OSBPL9: variants seen among roughly 807,000 people sequenced by gnomAD.
OSBPL9 encodes oxysterol binding protein like 9, also known as oxysterol-binding protein-related protein 9.
OSBPL9 carries 40 observed loss-of-function variants against 106.6 expected under a neutral mutation model. The ratio of observed to expected loss-of-function variants is 0.38; its 90% confidence interval spans 0.29 to 0.49. The LOEUF (loss-of-function observed/expected upper bound fraction) is 0.49. OSBPL9 is among the 20% of genes least tolerant of loss of function. The pLI is 0.97. For missense variants in OSBPL9, 609 were observed against 887.2 expected (o/e 0.69, Z 3.98); for synonymous variants, 269 against 295.4 (o/e 0.91, Z 0.92).
intron 4 of OSBPL9, among the ~76,000 whole-genome samples, chr1:51,733,320 T>TA (rs1178565904): frequency 4.6e-5 from 7 of 152,186 alleles, no homozygotes; most frequent in South Asian, 2.1e-4. Flanking sequence ...GTGATCAAAA[T>TA]ATGTGACGAT....
intron 1 of OSBPL9, among the ~76,000 whole-genome samples, chr1:51,588,649 TC>T (rs776118189): frequency 1.3e-5 from 2 of 152,138 alleles, no homozygotes; most frequent in East Asian, 3.9e-4. Flanking sequence ...AAATCCTGTC[TC>T]AAAAACAAAA....
chr1:51,651,330 C>T (rs749836387), intron 1 of OSBPL9, among the ~76,000 whole-genome samples: 5 of 152,026 alleles, frequency 3.3e-5, no homozygotes, highest in African/African-American at 9.7e-5. Context: ...CAGCTGGGTG[C>T]GGTGACTCAC....
intron 1 of OSBPL9, among the ~76,000 whole-genome samples, chr1:51,647,858 T>C (rs931994590): frequency 6.6e-6 from 1 of 152,212 alleles, no homozygotes; most frequent in Non-Finnish European, 1.5e-5. Flanking sequence ...CTCGCACCTG[T>C]AGTCCCAGCA....
chr1:51,616,995 C>A, upstream of OSBPL9: 2 of 1,496,624 alleles, frequency 1.3e-6, no homozygotes, highest in Non-Finnish European at 1.8e-6. Flanking sequence ...CATCTGCCGG[C>A]ACCGCCCAGG....
At chr1:51,708,258 CTTTTTCTTTTTTTTT>C (rs1557717530) in intron 3 of OSBPL9, 2 of 138,570 alleles carry the variant, frequency 1.4e-5, no homozygotes, top group African/African-American at 5.6e-5. Context: ...CTTTTTTTTT[CTTTTTCTTTTTTTTT>C]TTTTTTTACT....
intron 3 of OSBPL9, among the ~76,000 whole-genome samples, chr1:51,673,311 G>C (rs929339101): frequency 3.9e-5 from 6 of 152,222 alleles, no homozygotes; most frequent in African/African-American, 1.4e-4. Flanking sequence ...CTTGAGAAGA[G>C]TGATTTTAAG....
the OSBPL9 span, among the ~76,000 whole-genome samples, chr1:51,568,464 A>T: frequency 6.6e-6 from 1 of 152,292 alleles, no homozygotes; most frequent in East Asian, 1.9e-4. Flanking sequence ...AAAACTCTAG[A>T]GGGAACTCTA....
chr1:51,597,464 TACAC>T (rs1222614917), intron 1 of OSBPL9, among the ~76,000 whole-genome samples: 3 of 147,768 alleles, frequency 2.0e-5, no homozygotes, highest in Admixed American at 6.8e-5. Context: ...TGTGTGTATA[TACAC>T]ACACACACAA....
chr1:51,716,151 A>G (rs1314579353), intron 4 of OSBPL9, among the ~76,000 whole-genome samples: 1 of 152,246 alleles, frequency 6.6e-6, no homozygotes, highest in Admixed American at 6.5e-5. Flanking sequence ...AATAGCTTTG[A>G]TATTTAAAAG....
chr1:51,744,810 C>T (rs567214369), intron 4 of OSBPL9, among the ~76,000 whole-genome samples: 1 of 152,308 alleles, frequency 6.6e-6, no homozygotes, highest in African/African-American at 2.4e-5. Context: ...GAATCCCATG[C>T]TCTTGGAGCT....
chr1:51,616,708 T>C (rs1644066870), upstream of OSBPL9, among the ~76,000 whole-genome samples: 2 of 152,178 alleles, frequency 1.3e-5, no homozygotes, highest in Non-Finnish European at 2.9e-5. Context: ...TCTAGAAGAA[T>C]GCCTAGCACA....
intron 1 of OSBPL9, among the ~76,000 whole-genome samples, chr1:51,651,775 A>G (rs541076216): frequency 3.9e-5 from 6 of 152,340 alleles, no homozygotes; most frequent in Admixed American, 1.3e-4. Flanking sequence ...AGGTATGTGT[A>G]AAGTTCTATG....
At chr1:51,647,677 T>G (rs1482001525) in intron 1 of OSBPL9, among the ~76,000 whole-genome samples, 2 of 152,252 alleles carry the variant, frequency 1.3e-5, no homozygotes, top group Non-Finnish European at 2.9e-5. Context: ...TTGTTGTTCC[T>G]TGTATTTCCT....
chr1:51,685,498 C>G (rs530598407), intron 3 of OSBPL9, among the ~76,000 whole-genome samples: 1 of 152,214 alleles, frequency 6.6e-6, no homozygotes, highest in East Asian at 1.9e-4. Flanking sequence ...ACCTCCACCT[C>G]CAGGGTTCAA....
At chr1:51,595,429 A>T (rs1645294924) in intron 1 of OSBPL9, among the ~76,000 whole-genome samples, 1 of 152,152 alleles carries the variant, frequency 6.6e-6, no homozygotes, top group Admixed American at 6.5e-5. Flanking sequence ...AACCACGATG[A>T]TATCTGTTTA....
At chr1:51,740,095 C>T (rs1361084477) in intron 4 of OSBPL9, 14 of 1,547,156 alleles carry the variant, frequency 9.0e-6, no homozygotes, top group East Asian at 2.5e-5. Flanking sequence ...ATGTTAGACT[C>T]ACAGCATGGT....
At chr1:51,746,840 A>C in intron 6 of OSBPL9, 83 bp downstream of exon 6, 1 of 1,087,048 alleles carries the variant, frequency 9.2e-7, no homozygotes, top group Non-Finnish European at 1.4e-6. Context: ...GTGTGTTTTT[A>C]CTTACTATAA....
intron 4 of OSBPL9, among the ~76,000 whole-genome samples, chr1:51,736,935 CCAA>C (rs1006144810): frequency 9.2e-5 from 14 of 152,154 alleles, no homozygotes; most frequent in African/African-American, 3.4e-4. Context: ...ACTACATAGT[CCAA>C]CAGTGCTTTT....
At chr1:51,623,340 G>T (rs767257548) in intron 1 of OSBPL9, among the ~76,000 whole-genome samples, 5 of 152,090 alleles carry the variant, frequency 3.3e-5, no homozygotes, top group Non-Finnish European at 7.4e-5. Context: ...TGGGAAGCAA[G>T]GTCAATGTTA....
Sources: gnomAD v4.1 joint callset for allele counts (sites outside exome capture counted in the v4.1 genomes callset) on GRCh38, gnomAD v4.1.1 for gene constraint, MANE v1.5 for transcripts, NCBI Gene and HGNC (gene_info 2026-07-23, HGNC 2026-07-21) for gene names.